ANKRD36: variants seen among roughly 807,000 people sequenced by gnomAD.
ANKRD36 encodes the protein ankyrin repeat domain 36.
Under a neutral mutation model 278.1 loss-of-function variants are expected in ANKRD36, and 179 were observed. The ratio of observed to expected loss-of-function variants is 0.64; its 90% confidence interval spans 0.57 to 0.73. The LOEUF is 0.73. Ranked by LOEUF, ANKRD36 falls within the 30% of genes least tolerant of loss-of-function variation. The pLI, the probability that ANKRD36 is intolerant of heterozygous loss-of-function variation, is 0.00. For missense variants in ANKRD36, 1,159 were observed against 1,956.7 expected (o/e 0.59, Z 7.69); for synonymous variants, 320 against 641.1 (o/e 0.50, Z 7.57).
chr2:97,155,962 G>A (rs2047323198), intron 15 of ANKRD36, among the ~76,000 whole-genome samples: 1 of 145,888 alleles, frequency 6.9e-6, no homozygotes, highest in African/African-American at 2.4e-5. Context: ...TCTATTAAAT[G>A]TCTTGAATGT....
intron 54 of ANKRD36, among the ~76,000 whole-genome samples, chr2:97,208,779 T>C (rs1262836712): frequency 6.8e-6 from 1 of 146,606 alleles, no homozygotes; most frequent in Non-Finnish European, 1.5e-5. Flanking sequence ...GTGGATAAAA[T>C]AGCTATTTAA....
chr2:97,261,387 C>T (rs555597317), intron 75 of ANKRD36, among the ~76,000 whole-genome samples: 13 of 133,326 alleles, frequency 9.8e-5, no homozygotes, highest in African/African-American at 2.8e-4. Context: ...CCATTCTTCC[C>T]GGAAGGAGCT....
chr2:97,155,751 T>C (rs1479799513), intron 15 of ANKRD36, among the ~76,000 whole-genome samples: 6 of 146,116 alleles, frequency 4.1e-5, no homozygotes, highest in African/African-American at 1.5e-4. Flanking sequence ...ATTGAAAAAA[T>C]AATTGTAAAA....
chr2:97,173,894 T>C (rs1384697639), intron 22 of ANKRD36, among the ~76,000 whole-genome samples: 1 of 151,016 alleles, frequency 6.6e-6, no homozygotes, highest in Non-Finnish European at 1.5e-5. Flanking sequence ...TTGAAAGCTG[T>C]GTTTGCTGAG....
chr2:97,113,717 G>T lies in ANKRD36; in HGVS notation c.-23G>T. ...AAGGCGAGCTGAAATACGGCTGCAGGCTACAATTTGCAGCCGACGATTATG... is the reference window on the plus strand; with the variant it reads ...AAGGCGAGCTGAAATACGGCTGCAGTCTACAATTTGCAGCCGACGATTATG... On this transcript the variant is annotated 5_prime_UTR_variant, in exon 1 of 76. Transcript: ENST00000420699. 1 of 1,611,464 alleles carries T rather than the reference G, an allele frequency of 6.2e-7. No individual in the cohort carries two copies. The highest frequency in any genetic ancestry group is 8.5e-7 in the Non-Finnish European group (1 of 1,179,752).
At chr2:97,202,129 A>G in intron 46 of ANKRD36, 73 bp from the exon 47 acceptor site, 4 of 1,596,564 alleles carry the variant, frequency 2.5e-6, no homozygotes, top group African/African-American at 1.3e-5. Context: ...GGTTGATTCT[A>G]ACAGTGCTCG....
chr2:97,142,700 T>C (rs1348686405), intron 7 of ANKRD36, 32 bp downstream of exon 7: 1 of 1,610,012 alleles, frequency 6.2e-7, no homozygotes. Context: ...TTTTGAACTA[T>C]TAACTATATA....
chr2:97,227,217 A>T (rs1315930384), intron 67 of ANKRD36, among the ~76,000 whole-genome samples: 2 of 152,134 alleles, frequency 1.3e-5, no homozygotes, highest in Non-Finnish European at 2.9e-5. Context: ...TACCTTGGGC[A>T]GTATGGCCAT....
At chr2:97,226,877 T>C (rs1364043587) in intron 67 of ANKRD36, among the ~76,000 whole-genome samples, 2 of 151,840 alleles carry the variant, frequency 1.3e-5, no homozygotes, top group Non-Finnish European at 2.9e-5. Context: ...ATTTATTAAA[T>C]AGGGAATCCT....
rs74190410 is a variant in ANKRD36 at position 97,208,316 on chromosome 2, G to A, written c.3265+310G>A. ...TCTCCAGCTTGTTTTCAGTAAGGGT[G>A]GAAGGAGAAAGAGAGGAAGTATAGA... On this transcript the variant is annotated intron_variant, in intron 54 of 75. Transcript: ENST00000420699. Among the ~76,000 whole-genome samples, 321 of 146,770 alleles carry A rather than the reference G, an allele frequency of 2.2e-3. 14 individuals carry two copies. In the East Asian group the frequency reaches 0.025, roughly 11 times the overall value.
At chr2:97,248,171 G>A (rs2075542301) in intron 72 of ANKRD36, 1 of 143,590 alleles carries the variant, frequency 7.0e-6, no homozygotes, top group Admixed American at 7.7e-5. Context: ...TTATTTCGAT[G>A]AAAATCCTTA....
At chr2:97,183,747 G>A in intron 28 of ANKRD36, 93 bp downstream of exon 28, 1 of 1,425,126 alleles carries the variant, frequency 7.0e-7, no homozygotes, top group Non-Finnish European at 9.5e-7. Context: ...CATTGAAAAT[G>A]CACTTTCTGA....
intron 64 of ANKRD36, among the ~76,000 whole-genome samples, chr2:97,217,769 T>C (rs1332033230): frequency 6.6e-6 from 1 of 151,684 alleles, no homozygotes; most frequent in Non-Finnish European, 1.5e-5. Context: ...GAAGTTGTCA[T>C]AATAACCCAT....
At chr2:97,159,856 A>G (rs1406459938) in intron 17 of ANKRD36, among the ~76,000 whole-genome samples, 1 of 151,634 alleles carries the variant, frequency 6.6e-6, no homozygotes, top group East Asian at 1.9e-4. Context: ...ATCTCGGCTC[A>G]CTGCAAGCTC....
In ANKRD36 at chr2:97,206,073, A is replaced by G; in HGVS notation, c.3101A>G (p.Asp1034Gly). The G allele has an allele frequency of 6.4e-7, 1 of 1,551,124 alleles. No homozygotes were observed. Among genetic ancestry groups the G allele is most frequent in the South Asian group, 1.2e-5 (1 of 84,324 alleles). Residue 1034 changes from aspartate to glycine, a missense_variant, in exon 52 of 76, where the codon GAT becomes GGT. Asp to Gly is a moderately conservative substitution (Grantham distance 94, BLOSUM62 -1). Transcript: ENST00000420699. ...TCAAATTCCATTCAGGCTACAAGTG[A>G]TGAGGAAGATTCTGTTTTGAGTATA... ...QKPPTLKATS[D>G]EEDSVLSIAR... is the part of the protein sequence containing the mutation.
intron 20 of ANKRD36, 113 bp downstream of exon 20, chr2:97,164,582 A>G: frequency 1.7e-6 from 2 of 1,150,860 alleles, no homozygotes; most frequent in Non-Finnish European, 2.5e-6. Flanking sequence ...GATTTGATGT[A>G]AATATGCTGA....
chr2:97,143,609 T>C (rs1387898544), intron 8 of ANKRD36, among the ~76,000 whole-genome samples: 2 of 152,106 alleles, frequency 1.3e-5, no homozygotes, highest in East Asian at 1.9e-4. Flanking sequence ...TTGGATAAAA[T>C]AGCAATTTAA....
intron 66 of ANKRD36, among the ~76,000 whole-genome samples, chr2:97,219,742 A>G (rs563153193): frequency 0.027 from 3,644 of 135,290 alleles, 189 homozygotes; most frequent in African/African-American, 0.11. Context: ...CGCCCTCCCA[A>G]AGTGCTGGGA....
At chr2:97,210,910 T>C (rs527992791) in intron 56 of ANKRD36, among the ~76,000 whole-genome samples, 1 of 151,962 alleles carries the variant, frequency 6.6e-6, no homozygotes, top group East Asian at 2.0e-4. Flanking sequence ...AAGAAACTTT[T>C]GGAAGTCTAA....
Sources: gnomAD v4.1 joint callset for allele counts (sites outside exome capture counted in the v4.1 genomes callset) on GRCh38, gnomAD v4.1.1 for gene constraint, MANE v1.5 for transcripts, NCBI Gene and HGNC (gene_info 2026-07-23, HGNC 2026-07-21) for gene names.